ERBB4: variants seen among roughly 807,000 people sequenced by gnomAD.
The protein encoded by ERBB4 is receptor tyrosine-protein kinase erbB-4.
Under a neutral mutation model 158.0 loss-of-function variants are expected in ERBB4, and 42 were observed. The ratio of observed to expected loss-of-function variants is 0.27; its 90% CI spans 0.21 to 0.34. The LOEUF (loss-of-function observed/expected upper bound fraction) is 0.34, where lower values mean the gene tolerates loss of function less well. Among genes scored for constraint, ERBB4 ranks in the 10% least tolerant of loss-of-function variants. The pLI, the probability that ERBB4 is intolerant of heterozygous loss-of-function variation, is 1.00. For missense variants in ERBB4, 1,333 were observed against 1,624.1 expected, an observed-to-expected ratio of 0.82 and a Z score of 3.08; for synonymous variants, 583 against 558.7, an observed-to-expected ratio of 1.04 and a Z score of -0.61.
intron 1 of ERBB4, among the ~76,000 whole-genome samples, chr2:212,357,015 A>G (rs1343985181): frequency 1.3e-5 from 2 of 151,916 alleles, no homozygotes; most frequent in Admixed American, 1.3e-4. Flanking sequence ...AAACATGATC[A>G]TTTGAATTTT....
chr2:212,520,083 A>G (rs1387455826), intron 1 of ERBB4, among the ~76,000 whole-genome samples: 4 of 151,968 alleles, frequency 2.6e-5, no homozygotes, highest in Non-Finnish European at 5.9e-5. Flanking sequence ...ATATATCAGG[A>G]TACCTTAATT....
chr2:211,601,936 C>A (rs1179353972), intron 19 of ERBB4, among the ~76,000 whole-genome samples: 1 of 152,162 alleles, frequency 6.6e-6, no homozygotes, highest in Non-Finnish European at 1.5e-5. Flanking sequence ...TACCTCTCAA[C>A]TATAAATATA....
chr2:211,817,284 C>T (rs2076898471), intron 3 of ERBB4, among the ~76,000 whole-genome samples: 1 of 152,106 alleles, frequency 6.6e-6, no homozygotes, highest in Admixed American at 6.5e-5. Context: ...TAGGCAAGTC[C>T]TCAGAGAAGG....
At chr2:211,875,025 CAAAAAAAA>C (rs746636278) in intron 3 of ERBB4, among the ~76,000 whole-genome samples, 3 of 27,026 alleles carry the variant, frequency 1.1e-4, no homozygotes, top group Non-Finnish European at 6.5e-5. Flanking sequence ...AATAGAAATG[CAAAAAAAA>C]AAAAAAAAAA....
chr2:211,621,511 A>G (rs78220261), intron 18 of ERBB4, among the ~76,000 whole-genome samples: 2,963 of 152,284 alleles, frequency 0.019, 45 homozygotes, highest in Middle Eastern at 0.044. Flanking sequence ...ACACTCATGC[A>G]CAATAGACAA....
chr2:211,754,057 T>G lies in ERBB4; in HGVS notation c.557-3353A>C, dbSNP rs536520207. ...TCGTATTTTTAGTAGAGACGGGGTT[T>G]CACTGTGTTAGCCAGGATGGTCTCG... On this transcript the variant is annotated intron_variant, in intron 4 of 27. Coordinates refer to ENST00000342788, the MANE Select transcript of ERBB4 (RefSeq NM_005235.3). Among the ~76,000 whole-genome samples the G allele has an allele frequency of 2.2e-4, 34 of 152,038 alleles. No homozygotes were observed. In the South Asian group the frequency reaches 6.7e-3, roughly 30 times the overall value.
At chr2:212,450,505 A>G (rs1357097180) in intron 1 of ERBB4, among the ~76,000 whole-genome samples, 1 of 152,164 alleles carries the variant, frequency 6.6e-6, no homozygotes, top group East Asian at 1.9e-4. Context: ...ACACAGATAG[A>G]TAGGCACCAG....
chr2:212,280,638 C>G (rs1264640367), intron 1 of ERBB4, among the ~76,000 whole-genome samples: 2 of 151,526 alleles, frequency 1.3e-5, no homozygotes, highest in African/African-American at 4.8e-5. Context: ...CTGAAGTAGG[C>G]AACATTTTTT....
intron 3 of ERBB4, among the ~76,000 whole-genome samples, chr2:211,827,668 T>G (rs2077133234): frequency 6.6e-6 from 1 of 152,042 alleles, no homozygotes; most frequent in Non-Finnish European, 1.5e-5. Context: ...TTCAATTTAG[T>G]TGGAAAGTTT....
At chr2:211,971,596 C>A (rs192580572) in intron 2 of ERBB4, among the ~76,000 whole-genome samples, 1 of 151,954 alleles carries the variant, frequency 6.6e-6, no homozygotes, top group East Asian at 1.9e-4. Context: ...CAGAGACACA[C>A]GCAAAAAAGA....
rs532261057 is a variant in ERBB4 at position 212,020,961 on chromosome 2, G to C, written c.235-73345C>G. Among the ~76,000 whole-genome samples the C allele has an allele frequency of 7.9e-5, 12 of 152,044 alleles. No homozygotes were observed. In the South Asian group the frequency reaches 2.5e-3, roughly 32 times the overall value. ...TAAAATCATATGTCTACATAAAAAG[G>C]TAAGAAGAGGTAATCATAATGTATT... On this transcript the variant is annotated intron_variant, in intron 2 of 27. Coordinates refer to ENST00000342788, the MANE Select transcript of ERBB4 (RefSeq NM_005235.3).
At position 212,171,893 on chromosome 2, in the gene ERBB4, T is replaced by C. The variant is rs968989410; in HGVS notation, c.83-46990A>G. ...ACAATGATTAAGTCACCAAAAGCAATTGCAACAAAAGCAAAAAGTGACAAA... is the reference window on the plus strand; with the variant it reads ...ACAATGATTAAGTCACCAAAAGCAACTGCAACAAAAGCAAAAAGTGACAAA... On this transcript the variant is annotated intron_variant, in intron 1 of 27. Transcript: ENST00000342788. Among the ~76,000 whole-genome samples the C allele has an allele frequency of 3.9e-5, 6 of 152,168 alleles. 1 individual carries two copies. In the Middle Eastern group the frequency reaches 0.01, roughly 259 times the overall value.
chr2:212,171,682 G>C (rs183995091), intron 1 of ERBB4, among the ~76,000 whole-genome samples: 198 of 152,200 alleles, frequency 1.3e-3, no homozygotes, highest in African/African-American at 4.5e-3. Flanking sequence ...GGTTTTATAA[G>C]GGTTTGATGG....
chr2:212,387,822 A>G (rs149611036), intron 1 of ERBB4, among the ~76,000 whole-genome samples: 1 of 152,236 alleles, frequency 6.6e-6, no homozygotes, highest in East Asian at 1.9e-4. Flanking sequence ...TGATTTTTCA[A>G]GAGTACACTT....
At chr2:212,451,463 T>A (rs2092444947) in intron 1 of ERBB4, among the ~76,000 whole-genome samples, 1 of 152,192 alleles carries the variant, frequency 6.6e-6, no homozygotes, top group South Asian at 2.1e-4. Flanking sequence ...CTCTTTATAA[T>A]CAGCTATGAC....
chr2:211,923,346 G>C (rs1309250726), intron 3 of ERBB4, among the ~76,000 whole-genome samples: 5 of 152,150 alleles, frequency 3.3e-5, no homozygotes, highest in African/African-American at 1.2e-4. Context: ...GGAAGTCACT[G>C]ATATTTTTTA....
intron 1 of ERBB4, among the ~76,000 whole-genome samples, chr2:212,160,667 T>G (rs1259423937): frequency 6.6e-6 from 1 of 152,040 alleles, no homozygotes; most frequent in African/African-American, 2.4e-5. Flanking sequence ...CAAATTCTAC[T>G]GAAAATTCAT....
chr2:212,192,855 T>C (rs79190572), intron 1 of ERBB4, among the ~76,000 whole-genome samples: 8 of 148,278 alleles, frequency 5.4e-5, no homozygotes, highest in African/African-American at 1.9e-4. Context: ...AATAGTGTGA[T>C]TTGCTATCCA....
At chr2:211,746,132 T>C (rs2074965111) in intron 5 of ERBB4, among the ~76,000 whole-genome samples, 1 of 152,212 alleles carries the variant, frequency 6.6e-6, no homozygotes, top group South Asian at 2.1e-4. Flanking sequence ...TATTCTAACA[T>C]TTGGCCGGTG....
Sources: gnomAD v4.1 joint callset for allele counts (sites outside exome capture counted in the v4.1 genomes callset) on GRCh38, gnomAD v4.1.1 for gene constraint, MANE v1.5 for transcripts, NCBI Gene and HGNC (gene_info 2026-07-23, HGNC 2026-07-21) for gene names.